ATP2A2: variants seen among roughly 807,000 people sequenced by gnomAD.
The protein encoded by ATP2A2 is ATPase sarcoplasmic/endoplasmic reticulum Ca2+ transporting 2.
Under a neutral mutation model 109.3 loss-of-function variants are expected in ATP2A2, and 14 were observed. The observed-to-expected ratio is 0.13, with a 90% CI of 0.08 to 0.20. The LOEUF (loss-of-function observed/expected upper bound fraction) is 0.20. Among genes scored for constraint, ATP2A2 ranks in the 10% least tolerant of loss-of-function variants. The pLI is 1.00. For synonymous variants in ATP2A2, 506 were observed against 490.9 expected (o/e 1.03, Z -0.41); for missense variants, 657 against 1,321.6 (o/e 0.50, Z 7.80).
At chr12:110,318,055 A>G (rs1280476765) in intron 5 of ATP2A2, among the ~76,000 whole-genome samples, 1 of 152,220 alleles carries the variant, frequency 6.6e-6, no homozygotes. Context: ...TTCCACTACC[A>G]CTTGCCCTAA....
At chr12:110,293,826 A>ATGTGTGTGTGTGTGTGTG (rs59260681) in intron 4 of ATP2A2, among the ~76,000 whole-genome samples, 5 of 108,590 alleles carry the variant, frequency 4.6e-5, no homozygotes, top group African/African-American at 2.0e-4. Flanking sequence ...TGCCATATAT[A>ATGTGTGTGTGTGTGTGTG]TGTGTGTGTG....
In ATP2A2 at chr12:110,335,207, G is replaced by A. The variant is rs555544526; in HGVS notation, c.1419+1064G>A. The stretch of plus-strand genomic sequence containing the variant: ...ACCACCATACTGGACCTGTCCTGCA[G>A]TACTGCCCTTAGATTTCTGTGGCCT... On this transcript the variant is annotated intron_variant, in intron 11 of 19. Coordinates refer to ENST00000539276, the MANE Select transcript of ATP2A2 (RefSeq NM_170665.4). Among the ~76,000 whole-genome samples the A allele has an allele frequency of 5.9e-5, 9 of 152,312 alleles. No homozygotes were observed. The East Asian group carries it at 1.5e-3, about 26-fold the overall frequency.
intron 16 of ATP2A2, 54 bp from the exon 17 acceptor site, chr12:110,344,829 CGGT>C: frequency 6.5e-7 from 1 of 1,541,590 alleles, no homozygotes; most frequent in Non-Finnish European, 9.0e-7. Flanking sequence ...TGCATGGCCT[CGGT>C]GGCAGCGAGC....
rs576007268 is a variant in ATP2A2 at position 110,318,688 on chromosome 12, G to A, written c.464-4304G>A. Among the ~76,000 whole-genome samples, 14 of 152,260 alleles carry A rather than the reference G, an allele frequency of 9.2e-5. 1 individual carries two copies. Among genetic ancestry groups the A allele is most frequent in the African/African-American group, 3.1e-4 (13 of 41,552 alleles). ...GGGGTTTCATCATCTTGGCCAGGCT[G>A]GTCTTGAACTCCTGACCTCAGGTGA... On this transcript the variant is annotated intron_variant, in intron 5 of 19. Transcript: ENST00000539276.
intron 8 of ATP2A2, among the ~76,000 whole-genome samples, chr12:110,328,863 C>A (rs1878062446): frequency 6.6e-6 from 1 of 152,200 alleles, no homozygotes; most frequent in Non-Finnish European, 1.5e-5. Flanking sequence ...CCACCACACT[C>A]AGCCTCCTTT....
chr12:110,322,180 C>G (rs919417115), intron 5 of ATP2A2, among the ~76,000 whole-genome samples: 1 of 152,140 alleles, frequency 6.6e-6, no homozygotes, highest in Non-Finnish European at 1.5e-5. Flanking sequence ...TACTAGTTTG[C>G]TACACCTTCC....
chr12:110,301,442 A>C (rs939521509), intron 5 of ATP2A2, among the ~76,000 whole-genome samples: 13 of 152,158 alleles, frequency 8.5e-5, no homozygotes, highest in South Asian at 2.1e-4. Context: ...TAACTGTGAG[A>C]AACTTGGAAG....
Position 110,339,201 on chromosome 12 carries a change from A to G in ATP2A2, c.1420-80A>G. The G allele has an allele frequency of 1.3e-6, 2 of 1,564,340 alleles. No individual in the cohort carries two copies. The highest frequency in any genetic ancestry group is 1.8e-6 in the Non-Finnish European group (2 of 1,138,390). On this transcript the variant is annotated intron_variant, in intron 11 of 19. Transcript: ENST00000539276. This position sits in a 1 kb window ranked among gnomAD's most constrained non-coding sequence, Gnocchi z 4.4. ...GCTATATTCCTAGCATCTGTCATGT[A>G]ATAGGTGTGCTTACTGCTTGTTAGG...
chr12:110,294,643 C>T (rs1301093164), intron 4 of ATP2A2, among the ~76,000 whole-genome samples: 6 of 151,854 alleles, frequency 4.0e-5, no homozygotes, highest in Non-Finnish European at 7.4e-5. Flanking sequence ...AGCTAGACTT[C>T]GTCTCAGAAA....
rs775620618 is a variant in ATP2A2 at position 110,292,048 on chromosome 12, A to G, written c.248A>G (p.Glu83Gly). 1 of 1,614,080 alleles carries G rather than the reference A, an allele frequency of 6.2e-7. No individual in the cohort carries two copies. The highest frequency in any genetic ancestry group is 1.3e-5 in the African/African-American group (1 of 74,934). Residue 83 changes from glutamate (E) to glycine (G), a missense_variant, in exon 4 of 20, where the codon GAA becomes GGA. Physicochemically the swap from Glu to Gly is moderately conservative, Grantham distance 98. Coordinates refer to ENST00000539276, the MANE Select transcript of ATP2A2 (RefSeq NM_170665.4). ...FVLAWFEEGEETITAFVEPFV... is the reference protein window; with the variant it reads ...FVLAWFEEGEGTITAFVEPFV... ...TTGGCTTGGTTTGAAGAAGGTGAAG[A>G]AACAATTACAGCCTTTGTAGAACCT...
At position 110,327,010 on chromosome 12, in the gene ATP2A2, A is replaced by G. The variant is rs1210386356; in HGVS notation, c.630+535A>G. ...TGTGGGTTTGTATGAGAACCTGACTACTACCCATAGTAAGTAAATAGAGGT... is the reference window on the plus strand; with the variant it reads ...TGTGGGTTTGTATGAGAACCTGACTGCTACCCATAGTAAGTAAATAGAGGT... On this transcript the variant is annotated intron_variant, in intron 7 of 19. Transcript: ENST00000539276. The surrounding 1 kb of genome is among the most constrained non-coding windows in gnomAD (Gnocchi z 4.4). Among the ~76,000 whole-genome samples, 1 of 152,208 alleles carries G rather than the reference A, an allele frequency of 6.6e-6. No homozygotes were observed. Among genetic ancestry groups the G allele is most frequent in the Non-Finnish European group, 1.5e-5 (1 of 68,032 alleles).
At chr12:110,282,549 T>C in intron 1 of ATP2A2, 55 bp from the exon 2 acceptor site, 2 of 1,599,326 alleles carry the variant, frequency 1.3e-6, no homozygotes, top group Non-Finnish European at 8.6e-7. Flanking sequence ...TCTCTCTCTT[T>C]TTTTTTTTAA....
At chr12:110,315,954 G>A (rs918244046) in intron 5 of ATP2A2, among the ~76,000 whole-genome samples, 1 of 152,150 alleles carries the variant, frequency 6.6e-6, no homozygotes, top group Non-Finnish European at 1.5e-5. Context: ...TGGTGTGGTG[G>A]TGGGCACCTG....
intron 3 of ATP2A2, among the ~76,000 whole-genome samples, chr12:110,290,841 C>T (rs559734260): frequency 6.6e-6 from 1 of 151,618 alleles, no homozygotes; most frequent in African/African-American, 2.4e-5. Flanking sequence ...TGACCTCAGG[C>T]GATCTACCTG....
intron 5 of ATP2A2, among the ~76,000 whole-genome samples, chr12:110,300,071 C>T (rs982091073): frequency 6.0e-5 from 9 of 150,750 alleles, no homozygotes; most frequent in Non-Finnish European, 1.2e-4. Flanking sequence ...CAGCTCCTTC[C>T]GTCAGTCTGT....
Position 110,327,060 on chromosome 12 carries a change from C to T in ATP2A2, c.631-493C>T, listed in dbSNP as rs1023047136. On this transcript the variant is annotated intron_variant, in intron 7 of 19. Transcript: ENST00000539276. The surrounding 1 kb of genome is among the most constrained non-coding windows in gnomAD (Gnocchi z 4.4). ...TACCCTGAAAATAGTGAAGCCATGT[C>T]CTTCTCTTATAACACTAGGAATTAA... 3.9e-5 allele frequency among the ~76,000 whole-genome samples: 6 copies of T among 152,150 alleles called. No homozygotes were observed. Among genetic ancestry groups the T allele is most frequent in the Admixed American group, 2.0e-4 (3 of 15,268 alleles).
rs1486965128 is a variant in ATP2A2, at chr12:110,347,896, G to A, written c.*1426G>A. On this transcript the variant is annotated 3_prime_UTR_variant, in exon 20 of 20. Transcript: ENST00000539276. Reference sequence around the variant, plus strand: ...CTTATAAGCCGCCTCCATGGCAGATGCTGCTGTGCTCCCTGATGCCCTGTG... The same window carrying A: ...CTTATAAGCCGCCTCCATGGCAGATACTGCTGTGCTCCCTGATGCCCTGTG... 2.0e-6 allele frequency: 2 copies of A among 996,382 alleles called. No homozygotes were observed. The highest frequency in any genetic ancestry group is 1.1e-4 in the East Asian group (1 of 9,406). 61.7% of individuals were successfully genotyped at this position (996,382 alleles called of 1,614,324 possible).
chr12:110,327,992 C>T lies in ATP2A2; in HGVS notation c.1070C>T (p.Thr357Ile), dbSNP rs1877972065. Residue 357 changes from threonine (T) to isoleucine (I), a missense_variant, in exon 8 of 20, where the codon ACA becomes ATA. Thr to Ile is a moderately conservative substitution (Grantham distance 89). This residue lies in a region of ATP2A2 where 46 missense variants were observed against 62.0 expected (regional missense o/e 0.74). Transcript: ENST00000539276. This position sits in a 1 kb window ranked among gnomAD's most constrained non-coding sequence, Gnocchi z 4.4. ...VICSDKTGTL[T>I]TNQMSVCRMF... is the part of the protein sequence containing the mutation. ...TGCTCAGACAAGACTGGTACACTTA[C>T]AACAAACCAGATGTCAGTCTGCAGG... 1 of 1,613,936 alleles carries T rather than the reference C, an allele frequency of 6.2e-7. No individual in the cohort carries two copies.
intron 16 of ATP2A2, 24 bp downstream of exon 16, chr12:110,343,458 C>G: frequency 6.2e-7 from 1 of 1,611,246 alleles, no homozygotes; most frequent in Non-Finnish European, 8.5e-7. Context: ...TTTTATATTA[C>G]TGATTTTTAA....
Sources: allele counts gnomAD v4.1 joint callset (sites outside exome capture counted in the v4.1 genomes callset), GRCh38; gene constraint gnomAD v4.1.1; regional missense constraint gnomAD v4.1.1; non-coding constraint Gnocchi (gnomAD v3.1); transcripts MANE v1.5; gene names NCBI Gene and HGNC (gene_info 2026-07-23, HGNC 2026-07-21).